PCDHGA7: variants seen among roughly 807,000 people sequenced by gnomAD.
PCDHGA7 encodes the protein protocadherin gamma subfamily A, 7.
In PCDHGA7, 44 loss-of-function variants were observed where a neutral mutation model predicts 58.3. The ratio of observed to expected loss-of-function variants is 0.75; its 90% CI spans 0.59 to 0.97. PCDHGA7 has a LOEUF of 0.97. Ranked by LOEUF, PCDHGA7 falls within the 50% of genes least tolerant of loss-of-function variation. The pLI is 0.00. For synonymous variants in PCDHGA7, 516 were observed against 504.2 expected, an observed-to-expected ratio of 1.02 and a Z score of -0.31; for missense variants, 1,266 against 1,188.7, an observed-to-expected ratio of 1.06 and a Z score of -0.96.
chr5:141,410,440 G>A, intron 1 of PCDHGA7: 1 of 1,614,036 alleles, frequency 6.2e-7, no homozygotes, highest in Non-Finnish European at 8.5e-7. Context: ...ACAGTGAGGG[G>A]ACTTTGCCTT....
At chr5:141,392,847 G>A (rs759327251) in intron 1 of PCDHGA7, 2 of 1,610,450 alleles carry the variant, frequency 1.2e-6, no homozygotes, top group Non-Finnish European at 1.7e-6. Context: ...CAGACGCGGC[G>A]AGCTGATCCT....
intron 1 of PCDHGA7, chr5:141,414,150 A>C (rs750190499): frequency 6.2e-7 from 1 of 1,600,176 alleles, no homozygotes; most frequent in African/African-American, 1.3e-5. Context: ...AAATACAAGC[A>C]GAAGATGGAG....
At chr5:141,506,164 G>A (rs959032250) in intron 3 of PCDHGA7, among the ~76,000 whole-genome samples, 17 of 152,140 alleles carry the variant, frequency 1.1e-4, no homozygotes, top group Non-Finnish European at 2.4e-4. Context: ...TAAGAGCACA[G>A]CCTAAGCTGG....
intron 1 of PCDHGA7, among the ~76,000 whole-genome samples, chr5:141,466,540 G>T (rs1302720337): frequency 6.6e-6 from 1 of 152,094 alleles, no homozygotes; most frequent in Non-Finnish European, 1.5e-5. Context: ...GATGTAGATG[G>T]TCTTTTGCTG....
At chr5:141,470,202 A>G (rs928782890) in intron 1 of PCDHGA7, among the ~76,000 whole-genome samples, 9 of 152,216 alleles carry the variant, frequency 5.9e-5, no homozygotes, top group Non-Finnish European at 1.2e-4. Flanking sequence ...GATAAATATG[A>G]AGGCTAAACC....
rs57426385 is a variant in PCDHGA7, at chr5:141,415,740, G to GTTTTTTTTTTTT, written c.2424+30438_2424+30449dup. 137 of 625,016 alleles carry GTTTTTTTTTTTT rather than the reference G, an allele frequency of 2.2e-4. 2 individuals carry two copies. The highest frequency in any genetic ancestry group is 3.5e-4 in the Admixed American group (5 of 14,120). The allele number at this position is 625,016 out of a possible 1,614,324, so 38.7% of individuals were successfully genotyped here. On this transcript the variant is annotated intron_variant, in intron 1 of 3. Coordinates refer to ENST00000518325, the MANE Select transcript of PCDHGA7 (RefSeq NM_018920.4). ...TGAGTAGAATTTGATGTTTATTAAG[G>GTTTTTTTTTTTT]TTTTTTTTTTTTTTTTTTTTTTTTT... is the stretch of plus-strand genomic sequence containing the variant.
intron 1 of PCDHGA7, chr5:141,478,600 C>T (rs762531135): frequency 6.4e-7 from 1 of 1,565,134 alleles, no homozygotes. Context: ...ATTCCTACAT[C>T]ATATTGAGGA....
intron 1 of PCDHGA7, among the ~76,000 whole-genome samples, chr5:141,473,907 C>T (rs552055360): frequency 2.0e-4 from 30 of 152,220 alleles, no homozygotes; most frequent in African/African-American, 7.2e-4. Context: ...ATGAAGAGGT[C>T]TTAAGAAAAC....
intron 1 of PCDHGA7, among the ~76,000 whole-genome samples, chr5:141,472,030 G>A (rs2099269943): frequency 6.6e-6 from 1 of 152,030 alleles, no homozygotes; most frequent in African/African-American, 2.4e-5. Flanking sequence ...TATGTAGAAA[G>A]CTGTGAAAAG....
rs752412467 is a variant in PCDHGA7 at position 141,405,390 on chromosome 5, TTTTC to T, written c.2424+20079_2424+20082del. On this transcript the variant is annotated intron_variant, in intron 1 of 3. Transcript: ENST00000518325. ...CCTTTGGTTCCGGTGAGTTCATTTTTTTTCTTTCTTTCTTTTCTTTTTTTGTTTT... is the reference window on the plus strand; with the variant it reads ...CCTTTGGTTCCGGTGAGTTCATTTTTTTTCTTTCTTTTCTTTTTTTGTTTT... 1.6e-5 allele frequency: 26 copies of T among 1,600,118 alleles called. No homozygotes were observed. The East Asian group carries it at 1.8e-4, about 11-fold the overall frequency.
chr5:141,497,396 C>T (rs2099776233), intron 2 of PCDHGA7, among the ~76,000 whole-genome samples: 1 of 152,116 alleles, frequency 6.6e-6, no homozygotes, highest in Middle Eastern at 3.2e-3. Flanking sequence ...CTTACCCCTG[C>T]CTCAACTCCC....
intron 1 of PCDHGA7, chr5:141,409,997 G>C: frequency 1.2e-6 from 2 of 1,613,224 alleles, no homozygotes; most frequent in South Asian, 2.2e-5. Context: ...CGCCGACTCG[G>C]GACACAACGC....
rs1374190670 is a variant in PCDHGA7 at position 141,487,196 on chromosome 5, G to C, written c.2425-7611G>C. ...GGAAGACACTCATCCAGTTGTCCCAGATCTTCGAGAATCTTCAGCTCCAAG... is the reference window on the plus strand; with the variant it reads ...GGAAGACACTCATCCAGTTGTCCCACATCTTCGAGAATCTTCAGCTCCAAG... On this transcript the variant is annotated intron_variant, in intron 1 of 3. Coordinates refer to ENST00000518325, the MANE Select transcript of PCDHGA7 (RefSeq NM_018920.4). The surrounding 1 kb of genome is among the most constrained non-coding windows in gnomAD (Gnocchi z 5.0). 6.2e-7 allele frequency: 1 copy of C among 1,613,878 alleles called. No homozygotes were observed. Among genetic ancestry groups the C allele is most frequent in the Admixed American group, 1.7e-5 (1 of 60,030 alleles).
chr5:141,489,837 G>A lies in PCDHGA7; in HGVS notation c.2425-4970G>A. 6.2e-7 allele frequency: 1 copy of A among 1,614,204 alleles called. No individual in the cohort carries two copies. ...TCCCAGAGCTGGTGCTAGAGCAGCAGCTGGATCGTGAAGCCCAGGCAAGAC... is the reference window on the plus strand; with the variant it reads ...TCCCAGAGCTGGTGCTAGAGCAGCAACTGGATCGTGAAGCCCAGGCAAGAC... On this transcript the variant is annotated intron_variant, in intron 1 of 3. Transcript: ENST00000518325. This position sits in a 1 kb window ranked among gnomAD's most constrained non-coding sequence, Gnocchi z 4.5.
intron 1 of PCDHGA7, among the ~76,000 whole-genome samples, chr5:141,482,104 AAT>A (rs1452930297): frequency 2.7e-5 from 4 of 150,286 alleles, no homozygotes; most frequent in Non-Finnish European, 5.9e-5. Context: ...AAAAAAAAAA[AAT>A]ATCTAGAGAT....
At chr5:141,418,935 A>T (rs1424307952) in intron 1 of PCDHGA7, 2 of 1,613,834 alleles carry the variant, frequency 1.2e-6, no homozygotes, top group Admixed American at 3.3e-5. Context: ...ATTATGGAGG[A>T]TTCCCCTCCA....
Position 141,476,263 on chromosome 5 carries a change from C to G in PCDHGA7, c.2425-18544C>G. 13 of 1,613,940 alleles carry G rather than the reference C, an allele frequency of 8.1e-6. No individual in the cohort carries two copies. Among genetic ancestry groups the G allele is most frequent in the Non-Finnish European group, 1.1e-5 (13 of 1,180,010 alleles). On this transcript the variant is annotated intron_variant, in intron 1 of 3. Transcript: ENST00000518325. This position sits in a 1 kb window ranked among gnomAD's most constrained non-coding sequence, Gnocchi z 7.6. ...GAGAGAAGGGTTTCGCTGTGGGCAA[C>G]GTGGTCGCGAACCTTGGTTTGGATC...
intron 1 of PCDHGA7, among the ~76,000 whole-genome samples, chr5:141,475,629 C>T (rs77593456): frequency 0.054 from 8,157 of 152,234 alleles, 446 homozygotes; most frequent in African/African-American, 0.15. Flanking sequence ...TGGTTCGATC[C>T]CCTTTCTTGT....
chr5:141,414,776 T>G (rs766689016), intron 1 of PCDHGA7: 14 of 1,614,212 alleles, frequency 8.7e-6, no homozygotes, highest in Non-Finnish European at 1.1e-5. Context: ...GAGCTACAGA[T>G]GCAGGTGACA....
Sources: gnomAD v4.1 joint callset for allele counts (sites outside exome capture counted in the v4.1 genomes callset) on GRCh38, gnomAD v4.1.1 for gene constraint, Gnocchi (gnomAD v3.1) non-coding constraint, MANE v1.5 for transcripts, NCBI Gene and HGNC (gene_info 2026-07-23, HGNC 2026-07-21) for gene names.